TSPAN18: variants seen among roughly 807,000 people sequenced by gnomAD.
The protein encoded by TSPAN18 is tetraspanin 18.
Under a neutral mutation model 27.3 loss-of-function variants are expected in TSPAN18, and 14 were observed. The observed-to-expected ratio is 0.51, with a 90% CI of 0.34 to 0.80. The LOEUF (loss-of-function observed/expected upper bound fraction) is 0.80, where lower values mean the gene tolerates loss of function less well. Ranked by LOEUF, TSPAN18 falls within the 30% of genes least tolerant of loss-of-function variation. The pLI, the probability that TSPAN18 is intolerant of heterozygous loss-of-function variation, is 0.01. For missense variants in TSPAN18, 268 were observed against 323.9 expected (o/e 0.83, Z 1.32); for synonymous variants, 143 against 136.5 (o/e 1.05, Z -0.33).
At chr11:44,919,146 G>C in intron 6 of TSPAN18, 68 bp from the exon 7 acceptor site, 1 of 1,267,186 alleles carries the variant, frequency 7.9e-7, no homozygotes, top group Non-Finnish European at 1.2e-6. Flanking sequence ...GGTGGATGGA[G>C]AGACGATGGA....
At chr11:44,822,142 T>C (rs1013225995) in intron 2 of TSPAN18, among the ~76,000 whole-genome samples, 1 of 152,088 alleles carries the variant, frequency 6.6e-6, no homozygotes, top group Non-Finnish European at 1.5e-5. Flanking sequence ...TTCTGTGTGT[T>C]GATGAGACAG....
chr11:44,781,893 A>G (rs1380402631), intron 2 of TSPAN18, among the ~76,000 whole-genome samples: 1 of 152,128 alleles, frequency 6.6e-6, no homozygotes, highest in Non-Finnish European at 1.5e-5. Context: ...TTCTATCACT[A>G]TAGATTAGCT....
intron 5 of TSPAN18, among the ~76,000 whole-genome samples, chr11:44,911,957 T>G (rs1859737386): frequency 8.0e-6 from 1 of 125,576 alleles, no homozygotes; most frequent in Non-Finnish European, 1.7e-5. Flanking sequence ...TCTCTCCCTT[T>G]GTCCCCCTTC....
chr11:44,919,361 A>G (rs780624729), intron 7 of TSPAN18, 49 bp downstream of exon 7: 25 of 1,492,748 alleles, frequency 1.7e-5, no homozygotes, highest in Non-Finnish European at 2.2e-5. Context: ...CACGATGCCC[A>G]GTGTTCACAT....
intron 2 of TSPAN18, among the ~76,000 whole-genome samples, chr11:44,802,979 G>A (rs1423814589): frequency 6.6e-6 from 1 of 152,100 alleles, no homozygotes; most frequent in Non-Finnish European, 1.5e-5. Flanking sequence ...TCATGGCGGA[G>A]GCATGGGGCA....
intron 9 of TSPAN18, among the ~76,000 whole-genome samples, chr11:44,928,197 C>G (rs1319175841): frequency 6.6e-6 from 1 of 152,208 alleles, no homozygotes; most frequent in Non-Finnish European, 1.5e-5. Context: ...CACCCCAGGC[C>G]CTCAGACAGG....
rs150254183 is a variant in TSPAN18, at chr11:44,929,125, T to C, written c.700-6T>C. 1 of 1,613,316 alleles carries C rather than the reference T, an allele frequency of 6.2e-7. No homozygotes were observed. Among genetic ancestry groups the C allele is most frequent in the African/African-American group, 1.3e-5 (1 of 75,026 alleles). On this transcript the variant is annotated splice_region_variant and splice_polypyrimidine_tract_variant and intron_variant, in intron 9 of 9. Transcript: ENST00000520358. ...GCCAGTTCCTGCTCTTTTTCTTTTTTTGCAGCTTTTCGCCATGATCTTTGC... is the reference window on the plus strand; with the variant it reads ...GCCAGTTCCTGCTCTTTTTCTTTTTCTGCAGCTTTTCGCCATGATCTTTGC...
intron 1 of TSPAN18, among the ~76,000 whole-genome samples, chr11:44,763,485 C>T (rs1855498721): frequency 6.6e-6 from 1 of 152,030 alleles, no homozygotes; most frequent in African/African-American, 2.4e-5. Context: ...CTTTTTTTAC[C>T]ACCGGAGACT....
In TSPAN18 at chr11:44,806,930, A is replaced by G. The variant is rs556495659; in HGVS notation, c.-153+42418A>G. Among the ~76,000 whole-genome samples the G allele has an allele frequency of 5.3e-5, 8 of 152,290 alleles. No individual in the cohort carries two copies. In the East Asian group the frequency reaches 9.6e-4, roughly 18 times the overall value. On this transcript the variant is annotated intron_variant, in intron 2 of 9. Coordinates refer to ENST00000520358, the MANE Select transcript of TSPAN18 (RefSeq NM_130783.5). ...TGGAATGCTTTTTATTTCAATGGTT[A>G]TATAGTTATCTGAGTGAGTATTTGA...
intron 1 of TSPAN18, among the ~76,000 whole-genome samples, chr11:44,762,245 A>G (rs777208063): frequency 7.9e-5 from 12 of 152,270 alleles, no homozygotes; most frequent in Non-Finnish European, 8.8e-5. Context: ...GGTGGGAAAT[A>G]AACAAATGGT....
At chr11:44,928,990 C>T in intron 9 of TSPAN18, 141 bp from the exon 10 acceptor site, 1 of 1,088,420 alleles carries the variant, frequency 9.2e-7, no homozygotes, top group South Asian at 1.4e-5. Flanking sequence ...AGGGCTGGCC[C>T]CAGGGGAATG....
Position 44,813,045 on chromosome 11 carries a change from G to T in TSPAN18, c.-152-47283G>T, listed in dbSNP as rs536274237. Among the ~76,000 whole-genome samples, 3 of 152,350 alleles carry T rather than the reference G, an allele frequency of 2.0e-5. No individual in the cohort carries two copies. In the South Asian group the frequency reaches 6.2e-4, roughly 32 times the overall value. On this transcript the variant is annotated intron_variant, in intron 2 of 9. Coordinates refer to ENST00000520358, the MANE Select transcript of TSPAN18 (RefSeq NM_130783.5). ...AACCCTCACCTTGCAGCAGCCTGCT[G>T]GCCGTCTCTCTGTGCCCAGCTTCCT...
intron 3 of TSPAN18, among the ~76,000 whole-genome samples, chr11:44,886,764 G>A (rs1244890394): frequency 1.3e-5 from 2 of 152,228 alleles, no homozygotes; most frequent in African/African-American, 2.4e-5. Flanking sequence ...TATTCACAGA[G>A]GCATTGGCCA....
intron 2 of TSPAN18, among the ~76,000 whole-genome samples, chr11:44,790,341 A>G (rs12287942): frequency 0.64 from 94,493 of 146,642 alleles, 32,836 homozygotes; most frequent in South Asian, 0.82. Context: ...GCATGTGTGC[A>G]TGTGTTGGTG....
chr11:44,762,615 A>ATGTGTG (rs533032652), intron 1 of TSPAN18, among the ~76,000 whole-genome samples: 1 of 149,868 alleles, frequency 6.7e-6, no homozygotes, highest in African/African-American at 2.4e-5. Context: ...ATATACACAT[A>ATGTGTG]TGTGTGTGTG....
chr11:44,867,753 A>G (rs1858080021), intron 3 of TSPAN18, among the ~76,000 whole-genome samples: 1 of 152,132 alleles, frequency 6.6e-6, no homozygotes, highest in Non-Finnish European at 1.5e-5. Flanking sequence ...GTTGAGAGAG[A>G]GTAGATTCCA....
upstream of TSPAN18, chr11:44,726,943 G>C (rs1253715538): frequency 7.3e-6 from 1 of 136,200 alleles, no homozygotes; most frequent in African/African-American, 2.7e-5. Context: ...AGGTGGGGCC[G>C]GCGGGCTGGC....
chr11:44,897,155 G>A (rs1475196042), intron 3 of TSPAN18, among the ~76,000 whole-genome samples: 1 of 152,178 alleles, frequency 6.6e-6, no homozygotes. Flanking sequence ...TTCCCCGCAG[G>A]AGTGATAGAA....
intron 2 of TSPAN18, among the ~76,000 whole-genome samples, chr11:44,830,797 C>T (rs1298269984): frequency 1.3e-5 from 2 of 152,182 alleles, no homozygotes; most frequent in Non-Finnish European, 2.9e-5. Context: ...CAGTAAACTT[C>T]AGCACACACC....
Sources: allele counts gnomAD v4.1 joint callset (sites outside exome capture counted in the v4.1 genomes callset), GRCh38; gene constraint gnomAD v4.1.1; transcripts MANE v1.5; gene names NCBI Gene and HGNC (gene_info 2026-07-23, HGNC 2026-07-21).